Variants in MAGI2 observed in about 807,000 individuals in gnomAD.
MAGI2 encodes the protein membrane-associated guanylate kinase, WW and PDZ domain-containing protein 2.
In MAGI2, 35 loss-of-function variants were observed where a neutral mutation model predicts 133.3. The ratio of observed to expected loss-of-function variants is 0.26; its 90% CI spans 0.20 to 0.35. MAGI2 has a LOEUF of 0.35. Among genes scored for constraint, MAGI2 ranks in the 10% least tolerant of loss-of-function variants. The pLI is 1.00. For synonymous variants in MAGI2, 729 were observed against 710.6 expected, an observed-to-expected ratio of 1.03 and a Z score of -0.41; for missense variants, 1,636 against 1,863.4, an observed-to-expected ratio of 0.88 and a Z score of 2.25.
chr7:79,411,427 C>T (rs917905313), intron 1 of MAGI2: 22 of 152,048 alleles, frequency 1.4e-4, no homozygotes, highest in African/African-American at 5.1e-4. Flanking sequence ...ACAACGACAA[C>T]AATAAAAACT....
intron 2 of MAGI2, among the ~76,000 whole-genome samples, chr7:78,836,149 T>A (rs1791602298): frequency 6.6e-6 from 1 of 152,216 alleles, no homozygotes; most frequent in African/African-American, 2.4e-5. Flanking sequence ...GTCACAATGA[T>A]ACAATACTCA....
At chr7:79,029,527 C>A (rs1262840280) in intron 1 of MAGI2, among the ~76,000 whole-genome samples, 1 of 152,000 alleles carries the variant, frequency 6.6e-6, no homozygotes, top group Non-Finnish European at 1.5e-5. Context: ...TACCTTCAAA[C>A]CAGGCAATTC....
chr7:78,611,987 T>C (rs1156348611), intron 3 of MAGI2, among the ~76,000 whole-genome samples: 1 of 152,164 alleles, frequency 6.6e-6, no homozygotes, highest in African/African-American at 2.4e-5. Flanking sequence ...TATATTTAAG[T>C]CCAAATTTGA....
Position 78,765,343 on chromosome 7 carries a change from C to CTTTTTTTTT in MAGI2, c.419-138113_419-138105dup, listed in dbSNP as rs10672746. 4.6e-4 allele frequency among the ~76,000 whole-genome samples: 41 copies of CTTTTTTTTT among 89,068 alleles called. 3 individuals carry two copies. The highest frequency in any genetic ancestry group is 1.3e-3 in the African/African-American group (28 of 21,460). 58.4% of individuals were successfully genotyped at this position (89,068 alleles called of 152,430 possible). A position where few individuals can be genotyped will look rare whatever the true frequency, so the allele number is the denominator to read the frequency against. ...CATTTAACAAATGTTTAGTGCACAT[C>CTTTTTTTTT]TTTTTTTTTTTTTTTTTTTTTTGAG... is the stretch of plus-strand genomic sequence containing the variant. On this transcript the variant is annotated intron_variant, in intron 2 of 21. Coordinates refer to ENST00000354212, the MANE Select transcript of MAGI2 (RefSeq NM_012301.4).
At chr7:78,943,678 T>A (rs1256445626) in intron 2 of MAGI2, among the ~76,000 whole-genome samples, 1 of 152,158 alleles carries the variant, frequency 6.6e-6, no homozygotes, top group Non-Finnish European at 1.5e-5. Flanking sequence ...AAAAAAGGTA[T>A]CCAATTTTCC....
rs562091108 is a variant in MAGI2, at chr7:78,232,489, T to C, written c.2047+23454A>G. On this transcript the variant is annotated intron_variant, in intron 10 of 21. Transcript: ENST00000354212. Reference sequence around the variant, plus strand: ...TACCAGATAATTGTCGTATGGACTCTTAACAATCGGAGATTCGGTGATCAT... The same window carrying C: ...TACCAGATAATTGTCGTATGGACTCCTAACAATCGGAGATTCGGTGATCAT... Among the ~76,000 whole-genome samples, 8 of 152,348 alleles carry C rather than the reference T, an allele frequency of 5.3e-5. No individual in the cohort carries two copies. In the East Asian group the frequency reaches 1.5e-3, roughly 29 times the overall value.
intron 1 of MAGI2, among the ~76,000 whole-genome samples, chr7:79,226,277 GT>G (rs1360881162): frequency 1.3e-5 from 2 of 152,140 alleles, no homozygotes; most frequent in Non-Finnish European, 2.9e-5. Context: ...GATAGTTACA[GT>G]TTCCAATTAT....
chr7:78,514,706 A>T (rs1217690963), intron 4 of MAGI2, among the ~76,000 whole-genome samples: 1 of 152,220 alleles, frequency 6.6e-6, no homozygotes, highest in Non-Finnish European at 1.5e-5. Context: ...TAGGGAGGAC[A>T]TAATTCTTCT....
intron 14 of MAGI2, among the ~76,000 whole-genome samples, chr7:78,168,679 T>C (rs560227170): frequency 1.2e-4 from 18 of 152,320 alleles, no homozygotes; most frequent in African/African-American, 3.8e-4. Flanking sequence ...CATGGAGTTA[T>C]TGGGAGAATT....
At chr7:79,306,861 T>C (rs1194575239) in intron 1 of MAGI2, among the ~76,000 whole-genome samples, 3 of 152,032 alleles carry the variant, frequency 2.0e-5, no homozygotes, top group Non-Finnish European at 4.4e-5. Context: ...GTCACCAGGC[T>C]GGAGTGCAGT....
intron 2 of MAGI2, among the ~76,000 whole-genome samples, chr7:78,954,779 G>T (rs543269044): frequency 4.9e-4 from 74 of 152,206 alleles, no homozygotes; most frequent in African/African-American, 1.6e-3. Context: ...TGGTAGTTGT[G>T]ATCATTCTTT....
chr7:78,798,585 A>C (rs1345634629), intron 2 of MAGI2, among the ~76,000 whole-genome samples: 4 of 151,872 alleles, frequency 2.6e-5, no homozygotes, highest in Non-Finnish European at 5.9e-5. Flanking sequence ...CTTCTCTTTG[A>C]GATTGGTCTT....
chr7:78,347,996 A>C (rs1414486751), intron 7 of MAGI2, among the ~76,000 whole-genome samples: 2 of 152,202 alleles, frequency 1.3e-5, no homozygotes, highest in East Asian at 3.8e-4. Flanking sequence ...CTCCATTGTT[A>C]CATAACTTCC....
At chr7:78,402,541 C>A (rs1053672022) in intron 6 of MAGI2, among the ~76,000 whole-genome samples, 2 of 152,170 alleles carry the variant, frequency 1.3e-5, no homozygotes, top group African/African-American at 4.8e-5. Context: ...TAATATCATG[C>A]TATACAGTCT....
intron 2 of MAGI2, among the ~76,000 whole-genome samples, chr7:78,834,278 T>C (rs1791429509): frequency 6.6e-6 from 1 of 152,186 alleles, no homozygotes; most frequent in African/African-American, 2.4e-5. Context: ...AAGTTTGGGT[T>C]ACCATAACCA....
chr7:78,490,513 G>T (rs1793503122), intron 5 of MAGI2, among the ~76,000 whole-genome samples: 1 of 152,036 alleles, frequency 6.6e-6, no homozygotes, highest in Non-Finnish European at 1.5e-5. Flanking sequence ...TCTTGTAAGA[G>T]TTTTGCCAGA....
At position 79,211,431 on chromosome 7, in the gene MAGI2, T is replaced by C. The variant is rs761239909; in HGVS notation, c.302-204225A>G. ...TAGCTGAGACTACAGTGCACCACTA[T>C]GTCCGGCTAATTATTTTCTTTCTTT... is the stretch of plus-strand genomic sequence containing the variant. On this transcript the variant is annotated intron_variant, in intron 1 of 21. Transcript: ENST00000354212. Among the ~76,000 whole-genome samples, 5 of 151,828 alleles carry C rather than the reference T, an allele frequency of 3.3e-5. No homozygotes were observed. The South Asian group carries it at 6.2e-4, about 19-fold the overall frequency.
chr7:78,407,234 G>C (rs954898506), intron 6 of MAGI2, among the ~76,000 whole-genome samples: 4 of 151,950 alleles, frequency 2.6e-5, no homozygotes, highest in Non-Finnish European at 5.9e-5. Flanking sequence ...AGTCAGATTT[G>C]GGTTCTGTTC....
intron 1 of MAGI2, among the ~76,000 whole-genome samples, chr7:79,110,123 T>G (rs942251693): frequency 2.0e-5 from 3 of 150,778 alleles, no homozygotes; most frequent in Non-Finnish European, 2.9e-5. Context: ...GAAGAAGGCT[T>G]GGTAGTCTCC....
Sources: gnomAD v4.1 joint callset for allele counts (sites outside exome capture counted in the v4.1 genomes callset) on GRCh38, gnomAD v4.1.1 for gene constraint, MANE v1.5 for transcripts, NCBI Gene and HGNC (gene_info 2026-07-23, HGNC 2026-07-21) for gene names.